The following TRPM8 variants were observed in gnomAD, a reference collection of about 807,000 sequenced individuals.
TRPM8 encodes transient receptor potential cation channel subfamily M member 8.
A neutral mutation model predicts 133.7 loss-of-function variants in TRPM8; 110 were observed. The observed-to-expected ratio is 0.82, with a 90% CI of 0.70 to 0.96. The LOEUF is 0.96. TRPM8 is among the 40% of genes least tolerant of loss of function. The probability of loss-of-function intolerance (pLI) is 0.00; values close to 1 mark genes in which losing one functional copy is unlikely to be tolerated. For synonymous variants in TRPM8, 535 were observed against 532.3 expected, an observed-to-expected ratio of 1.01 and a Z score of -0.07; for missense variants, 1,291 against 1,379.5, an observed-to-expected ratio of 0.94 and a Z score of 1.02.
chr2:233,931,389 G>A (rs184709015), intron 3 of TRPM8, among the ~76,000 whole-genome samples: 120 of 152,274 alleles, frequency 7.9e-4, no homozygotes, highest in Non-Finnish European at 1.4e-3. Flanking sequence ...CTTCCTTTCT[G>A]TTGGCTGGCA....
intron 24 of TRPM8, among the ~76,000 whole-genome samples, chr2:234,010,008 T>C (rs1367201255): frequency 6.6e-6 from 1 of 152,178 alleles, no homozygotes; most frequent in East Asian, 1.9e-4. Flanking sequence ...ATTTAAAATC[T>C]CTCCTCCTGG....
chr2:233,975,929 C>A (rs570185677), intron 17 of TRPM8, among the ~76,000 whole-genome samples: 17 of 152,174 alleles, frequency 1.1e-4, no homozygotes, highest in East Asian at 5.8e-4. Context: ...AAACAAAAAA[C>A]ACACACACAA....
rs778580548 is a variant in TRPM8 at position 233,937,515 on chromosome 2, C to T, written c.348+6C>T. 3.5e-5 allele frequency: 56 copies of T among 1,610,256 alleles called. No homozygotes were observed. The highest frequency in any genetic ancestry group is 4.8e-5 in the Non-Finnish European group (56 of 1,178,154). ...CACTGGGGAAGAAAGGGAAGGTAAG[C>T]AATGGTTTTCTACTTTGGCAGCTAA... On this transcript the variant is annotated splice_donor_region_variant and intron_variant, in intron 4 of 25. Transcript: ENST00000324695.
At chr2:233,987,972 C>CT (rs58639039) in intron 21 of TRPM8, among the ~76,000 whole-genome samples, 4,229 of 140,676 alleles carry the variant, frequency 0.03, 63 homozygotes, top group African/African-American at 0.041. Flanking sequence ...CATTAAACCT[C>CT]TTTTTTTTTT....
chr2:233,924,667 T>C (rs1691476364), intron 1 of TRPM8, among the ~76,000 whole-genome samples: 1 of 152,216 alleles, frequency 6.6e-6, no homozygotes, highest in Admixed American at 6.5e-5. Flanking sequence ...TTGCTGCATC[T>C]CTTAAATGGC....
intron 24 of TRPM8, among the ~76,000 whole-genome samples, chr2:234,012,925 G>T (rs1487117017): frequency 6.6e-6 from 1 of 151,824 alleles, no homozygotes; most frequent in Non-Finnish European, 1.5e-5. Context: ...TCACACTGAT[G>T]AATCTTCATA....
In TRPM8 at chr2:233,927,860, CTCTTT is replaced by C. The variant is rs1691583889; in HGVS notation, c.117+1207_117+1211del. Among the ~76,000 whole-genome samples the C allele has an allele frequency of 2.9e-4, 7 of 24,120 alleles. 1 individual carries two copies. The highest frequency in any genetic ancestry group is 3.1e-3 in the East Asian group (2 of 640). 15.8% of individuals were successfully genotyped at this position (24,120 alleles called of 152,430 possible). A position where few individuals can be genotyped will look rare whatever the true frequency, so the allele number is the denominator to read the frequency against. ...CCTTCCTTCCTTCCTTCCTTTCTTT[CTCTTT>C]CTTTCTTTCTTTCTTTCTTTCTTTC... On this transcript the variant is annotated intron_variant, in intron 2 of 25. Coordinates refer to ENST00000324695, the MANE Select transcript of TRPM8 (RefSeq NM_024080.5).
At chr2:233,995,796 C>A (rs528423816) in intron 21 of TRPM8, among the ~76,000 whole-genome samples, 2 of 152,170 alleles carry the variant, frequency 1.3e-5, no homozygotes, top group African/African-American at 4.8e-5. Flanking sequence ...CATATATATT[C>A]ATTTACATAT....
intron 11 of TRPM8, 116 bp downstream of exon 11, chr2:233,955,366 G>A: frequency 1.4e-6 from 1 of 721,672 alleles, no homozygotes; most frequent in East Asian, 2.6e-5. Context: ...GGATTGTTCT[G>A]TTCCAGAATA....
intron 17 of TRPM8, among the ~76,000 whole-genome samples, chr2:233,973,058 C>T (rs1488549712): frequency 3.9e-5 from 6 of 152,220 alleles, no homozygotes; most frequent in Non-Finnish European, 8.8e-5. Context: ...TGACTCATGT[C>T]AGTGTTGAAC....
intron 1 of TRPM8, among the ~76,000 whole-genome samples, chr2:233,924,040 T>C (rs1451402204): frequency 6.6e-6 from 1 of 152,178 alleles, no homozygotes; most frequent in African/African-American, 2.4e-5. Flanking sequence ...TTTTACAGTG[T>C]TGGGGGGAAA....
intron 22 of TRPM8, among the ~76,000 whole-genome samples, chr2:233,999,469 T>C (rs1046113464): frequency 1.3e-5 from 2 of 151,478 alleles, no homozygotes; most frequent in Non-Finnish European, 2.9e-5. Flanking sequence ...ACTCTGCTTC[T>C]GGGTGGGAAG....
At chr2:233,919,301 G>C (rs532057254) in intron 1 of TRPM8, among the ~76,000 whole-genome samples, 1 of 152,208 alleles carries the variant, frequency 6.6e-6, no homozygotes, top group African/African-American at 2.4e-5. Context: ...AATAAAAATA[G>C]TACCACGGCC....
At chr2:233,931,962 A>G (rs1211111550) in intron 3 of TRPM8, among the ~76,000 whole-genome samples, 2 of 152,234 alleles carry the variant, frequency 1.3e-5, no homozygotes, top group African/African-American at 2.4e-5. Context: ...TCACATGTGC[A>G]GTGGAAGATG....
chr2:233,965,723 T>C (rs1230038720), intron 14 of TRPM8, among the ~76,000 whole-genome samples: 3 of 152,208 alleles, frequency 2.0e-5, no homozygotes, highest in African/African-American at 7.2e-5. Flanking sequence ...AGTTTATTTC[T>C]GGATAATTAG....
At chr2:233,945,748 A>G in intron 6 of TRPM8, 108 bp from the exon 7 acceptor site, 1 of 937,558 alleles carries the variant, frequency 1.1e-6, no homozygotes, top group African/African-American at 1.6e-5. Context: ...GAGGAGGCAT[A>G]ATGTGATTGA....
chr2:233,927,976 CT>C (rs61600192), intron 2 of TRPM8, among the ~76,000 whole-genome samples: 2 of 34,270 alleles, frequency 5.8e-5, no homozygotes, highest in Middle Eastern at 0.011. Flanking sequence ...TTCTTTCTTT[CT>C]TTTTTTTTTT....
chr2:234,016,419 CTT>C (rs1429992816), intron 25 of TRPM8, among the ~76,000 whole-genome samples: 3 of 152,140 alleles, frequency 2.0e-5, no homozygotes, highest in African/African-American at 7.2e-5. Flanking sequence ...GAAAATATAA[CTT>C]TATAGGCAAT....
intron 5 of TRPM8, among the ~76,000 whole-genome samples, chr2:233,940,287 T>TG (rs1479465915): frequency 6.6e-6 from 1 of 151,598 alleles, no homozygotes; most frequent in African/African-American, 2.4e-5. Flanking sequence ...GACATGGGTT[T>TG]TTTTTTTTTT....
Sources: gnomAD v4.1 joint callset for allele counts (sites outside exome capture counted in the v4.1 genomes callset) on GRCh38, gnomAD v4.1.1 for gene constraint, MANE v1.5 for transcripts, NCBI Gene and HGNC (gene_info 2026-07-23, HGNC 2026-07-21) for gene names.